DLGAP5: variants seen among roughly 807,000 people sequenced by gnomAD.
DLGAP5 encodes the protein disks large-associated protein 5.
A neutral mutation model predicts 99.6 loss-of-function variants in DLGAP5; 90 were observed. The ratio of observed to expected loss-of-function variants is 0.90; its 90% confidence interval spans 0.76 to 1.08. DLGAP5 has a LOEUF of 1.08. Among genes scored for constraint, DLGAP5 ranks in the 50% least tolerant of loss-of-function variants. DLGAP5 has a pLI of 0.00. For synonymous variants in DLGAP5, 311 were observed against 321.3 expected (o/e 0.97, Z 0.34); for missense variants, 1,036 against 983.5 (o/e 1.05, Z -0.71).
intron 11 of DLGAP5, among the ~76,000 whole-genome samples, chr14:55,170,339 A>C (rs939461742): frequency 6.6e-6 from 1 of 152,128 alleles, no homozygotes; most frequent in Non-Finnish European, 1.5e-5. Context: ...ATTTTTGTGT[A>C]AACAATATCA....
chr14:55,158,902 T>C (rs552675454), intron 13 of DLGAP5, among the ~76,000 whole-genome samples, 161 bp from the exon 14 acceptor site: 1 of 152,246 alleles, frequency 6.6e-6, no homozygotes, highest in East Asian at 1.9e-4. Context: ...TAGTATGTGC[T>C]AAAAGGTAAA....
In DLGAP5 at chr14:55,189,040, A is replaced by T; in HGVS notation, c.140T>A (p.Leu47Ter). 1 of 1,614,002 alleles carries T rather than the reference A, an allele frequency of 6.2e-7. No individual in the cohort carries two copies. The highest frequency in any genetic ancestry group is 8.5e-7 in the Non-Finnish European group (1 of 1,179,968). The change falls in exon 2 of 19, where the codon TTG becomes TAG. Residue 47 changes from leucine to a stop codon, truncating the protein, a stop_gained. Transcript: ENST00000247191. LOFTEE classifies it high-confidence loss of function. Reference sequence around the variant, plus strand: ...CAAGGTTGGAATGTTTACATCTTTCAAACCAAAGTGTCTATTTCGTTCGTA... The same window carrying T: ...CAAGGTTGGAATGTTTACATCTTTCTAACCAAAGTGTCTATTTCGTTCGTA... ...KEYERNRHFG[L>*]KDVNIPTLEG...
chr14:55,155,203 T>G (rs1293730928), intron 14 of DLGAP5, among the ~76,000 whole-genome samples: 2 of 150,954 alleles, frequency 1.3e-5, no homozygotes. Flanking sequence ...TTTTGTATTT[T>G]TAGTAGAGAT....
chr14:55,172,693 G>A (rs539315273), intron 10 of DLGAP5, among the ~76,000 whole-genome samples: 142 of 152,050 alleles, frequency 9.3e-4, no homozygotes, highest in African/African-American at 3.3e-3. Flanking sequence ...GATTAATAAG[G>A]AGGCAGAGGG....
At position 55,188,929 on chromosome 14, in the gene DLGAP5, G is replaced by A; in HGVS notation, c.238+13C>T. ...CTTCAAAGTACTTAAAATTACAACAGACCTTTACTTACTTGGCTTAACATT... is the reference window on the plus strand; with the variant it reads ...CTTCAAAGTACTTAAAATTACAACAAACCTTTACTTACTTGGCTTAACATT... On this transcript the variant is annotated intron_variant, in intron 2 of 18. Transcript: ENST00000247191. 1 of 1,599,684 alleles carries A rather than the reference G, an allele frequency of 6.3e-7. No homozygotes were observed. Among genetic ancestry groups the A allele is most frequent in the Non-Finnish European group, 8.5e-7 (1 of 1,169,850 alleles).
chr14:55,171,337 T>C (rs761064325), intron 10 of DLGAP5, among the ~76,000 whole-genome samples: 13 of 152,190 alleles, frequency 8.5e-5, no homozygotes, highest in Non-Finnish European at 1.6e-4. Flanking sequence ...GGAGGAGTGC[T>C]ACTGGCCAGG....
intron 18 of DLGAP5, among the ~76,000 whole-genome samples, chr14:55,149,247 A>G (rs983094974): frequency 6.6e-6 from 1 of 152,232 alleles, no homozygotes; most frequent in Non-Finnish European, 1.5e-5. Flanking sequence ...CTCAGAATCA[A>G]TCATTCAGGG....
chr14:55,181,147 G>T, intron 5 of DLGAP5, 66 bp downstream of exon 5: 1 of 1,440,564 alleles, frequency 6.9e-7, no homozygotes, highest in South Asian at 1.2e-5. Flanking sequence ...TGACCTTCAA[G>T]ACACTTAAAA....
In DLGAP5 at chr14:55,183,770, C is replaced by CT; in HGVS notation, c.239-18_239-17insA. On this transcript the variant is annotated splice_polypyrimidine_tract_variant and intron_variant, in intron 2 of 18. Coordinates refer to ENST00000247191, the MANE Select transcript of DLGAP5 (RefSeq NM_014750.5). ...TCATTGCCCCTAGGCAGAAAAAAAA[C>CT]CAAAACCACACAGTATATAAAACAT... The CT allele has an allele frequency of 6.5e-7, 1 of 1,536,930 alleles. No individual in the cohort carries two copies. The highest frequency in any genetic ancestry group is 1.3e-5 in the South Asian group (1 of 79,864).
chr14:55,178,941 G>C (rs1239102758), intron 7 of DLGAP5, among the ~76,000 whole-genome samples: 2 of 152,088 alleles, frequency 1.3e-5, no homozygotes, highest in Admixed American at 1.3e-4. Flanking sequence ...CAACTACTCG[G>C]GAGGCTGAGG....
intron 13 of DLGAP5, among the ~76,000 whole-genome samples, chr14:55,161,874 CAAAAAAAAAAA>C (rs34002442): frequency 5.3e-5 from 2 of 37,956 alleles, no homozygotes; most frequent in Non-Finnish European, 9.0e-5. Flanking sequence ...AACTCTGTCT[CAAAAAAAAAAA>C]AAAAAAAAAA....
At chr14:55,173,577 G>A (rs1244780145) in intron 10 of DLGAP5, among the ~76,000 whole-genome samples, 2 of 145,568 alleles carry the variant, frequency 1.4e-5, no homozygotes, top group Non-Finnish European at 3.0e-5. Flanking sequence ...TCTCTCTATA[G>A]ATATATGTTG....
chr14:55,184,693 C>G (rs1883377537), intron 2 of DLGAP5, among the ~76,000 whole-genome samples: 1 of 152,188 alleles, frequency 6.6e-6, no homozygotes, highest in Admixed American at 6.5e-5. Flanking sequence ...AAGACTCAAG[C>G]AGTCCTATGG....
chr14:55,157,306 T>C (rs1410011904), intron 14 of DLGAP5, among the ~76,000 whole-genome samples: 1 of 152,200 alleles, frequency 6.6e-6, no homozygotes, highest in African/African-American at 2.4e-5. Context: ...ACGAAGATCC[T>C]TGACAAGTAG....
chr14:55,183,259 G>A lies in DLGAP5; in HGVS notation c.432+301C>T, dbSNP rs78003417. Among the ~76,000 whole-genome samples the A allele has an allele frequency of 2.6e-3, 395 of 152,112 alleles. 12 individuals are homozygous for A. The East Asian group carries it at 0.07, about 27-fold the overall frequency. On this transcript the variant is annotated intron_variant, in intron 3 of 18. Coordinates refer to ENST00000247191, the MANE Select transcript of DLGAP5 (RefSeq NM_014750.5). ...TTTCCTGAATTATTAATTTGACAACGGCACTACCCTTATTTATAAACTTCT... is the reference window on the plus strand; with the variant it reads ...TTTCCTGAATTATTAATTTGACAACAGCACTACCCTTATTTATAAACTTCT...
rs772173343 is a variant in DLGAP5, at chr14:55,183,770, C to A, written c.239-17G>T. Reference sequence around the variant, plus strand: ...TCATTGCCCCTAGGCAGAAAAAAAACCAAAACCACACAGTATATAAAACAT... The same window carrying A: ...TCATTGCCCCTAGGCAGAAAAAAAAACAAAACCACACAGTATATAAAACAT... On this transcript the variant is annotated splice_polypyrimidine_tract_variant and intron_variant, in intron 2 of 18. Coordinates refer to ENST00000247191, the MANE Select transcript of DLGAP5 (RefSeq NM_014750.5). 4.1e-5 allele frequency: 63 copies of A among 1,536,926 alleles called. No individual in the cohort carries two copies. Among genetic ancestry groups the A allele is most frequent in the African/African-American group, 1.5e-4 (11 of 71,398 alleles).
chr14:55,163,692 G>C (rs569728760), intron 12 of DLGAP5, among the ~76,000 whole-genome samples: 1 of 152,290 alleles, frequency 6.6e-6, no homozygotes, highest in African/African-American at 2.4e-5. Flanking sequence ...ACTTGCTGTT[G>C]GCAGTGTTTT....
chr14:55,159,627 G>A (rs1235401570), intron 13 of DLGAP5, among the ~76,000 whole-genome samples: 1 of 152,154 alleles, frequency 6.6e-6, no homozygotes, highest in Non-Finnish European at 1.5e-5. Context: ...TTATGAGACA[G>A]GGCAACATTG....
chr14:55,150,461 G>A (rs1881978605), intron 18 of DLGAP5: 1 of 168,254 alleles, frequency 5.9e-6, no homozygotes, highest in Non-Finnish European at 1.3e-5. Flanking sequence ...GACTGAAGGT[G>A]GGATAGATAT....
Sources: gnomAD v4.1 joint callset for allele counts (sites outside exome capture counted in the v4.1 genomes callset) on GRCh38, gnomAD v4.1.1 for gene constraint, MANE v1.5 for transcripts, NCBI Gene and HGNC (gene_info 2026-07-23, HGNC 2026-07-21) for gene names.